SORCS3: variants seen among roughly 807,000 people sequenced by gnomAD.
SORCS3 encodes the protein sortilin related VPS10 domain containing receptor 3.
Under a neutral mutation model 146.3 loss-of-function variants are expected in SORCS3, and 57 were observed. The observed-to-expected ratio is 0.39, with a 90% CI of 0.31 to 0.49. The LOEUF (loss-of-function observed/expected upper bound fraction) is 0.49. Ranked by LOEUF, SORCS3 falls within the 20% of genes least tolerant of loss-of-function variation. The probability of loss-of-function intolerance (pLI) is 0.92; values close to 1 mark genes in which losing one functional copy is unlikely to be tolerated. For synonymous variants in SORCS3, 653 were observed against 618.5 expected (o/e 1.06, Z -0.83); for missense variants, 1,341 against 1,575.5 (o/e 0.85, Z 2.52).
intron 1 of SORCS3, among the ~76,000 whole-genome samples, chr10:104,716,730 G>C (rs543215507): frequency 6.6e-6 from 1 of 152,138 alleles, no homozygotes; most frequent in African/African-American, 2.4e-5. Context: ...GGTTGTCTGC[G>C]GAATGTTTTG....
intron 23 of SORCS3, among the ~76,000 whole-genome samples, chr10:105,253,967 T>C (rs1387017855): frequency 6.6e-6 from 1 of 152,140 alleles, no homozygotes; most frequent in Non-Finnish European, 1.5e-5. Flanking sequence ...TTTAGATAAA[T>C]AGGTAATTAC....
intron 7 of SORCS3, among the ~76,000 whole-genome samples, chr10:105,136,320 T>C (rs1224721704): frequency 6.6e-6 from 1 of 152,060 alleles, no homozygotes; most frequent in Non-Finnish European, 1.5e-5. Flanking sequence ...AAAAAGAGGG[T>C]TAGCTAATTT....
intron 8 of SORCS3, among the ~76,000 whole-genome samples, chr10:105,140,356 C>T (rs967811104): frequency 3.9e-5 from 6 of 152,108 alleles, no homozygotes; most frequent in Admixed American, 2.0e-4. Context: ...CTCTTTTATG[C>T]ATCCGTTCAA....
chr10:104,761,994 C>G (rs1218405731), intron 1 of SORCS3, among the ~76,000 whole-genome samples: 10 of 152,158 alleles, frequency 6.6e-5, no homozygotes, highest in African/African-American at 2.4e-4. Flanking sequence ...TTCTAAACTT[C>G]CGAAACCAAA....
rs1341336390 is a variant in SORCS3 at position 104,886,654 on chromosome 10, TG to T, written c.696-29176del. On this transcript the variant is annotated intron_variant, in intron 2 of 26. Transcript: ENST00000369701. Reference sequence around the variant, plus strand: ...TGTAGAATTAAAATATTTCTTTAGGTGGGAGCCCAAAACAGCAGCCATTGAT... The same window carrying T: ...TGTAGAATTAAAATATTTCTTTAGGTGGAGCCCAAAACAGCAGCCATTGAT... 2.6e-5 allele frequency among the ~76,000 whole-genome samples: 4 copies of T among 152,032 alleles called. No individual in the cohort carries two copies. The East Asian group carries it at 7.7e-4, about 29-fold the overall frequency.
chr10:105,139,386 C>G lies in SORCS3; in HGVS notation c.1213-11C>G. ...CTCATCTGATCTCTTTGTGTTTCCCCCACAATCTAGGTAACAACTAGTGGA... is the reference window on the plus strand; with the variant it reads ...CTCATCTGATCTCTTTGTGTTTCCCGCACAATCTAGGTAACAACTAGTGGA... On this transcript the variant is annotated splice_polypyrimidine_tract_variant and intron_variant, in intron 7 of 26. Coordinates refer to ENST00000369701, the MANE Select transcript of SORCS3 (RefSeq NM_014978.3). 1 of 1,608,218 alleles carries G rather than the reference C, an allele frequency of 6.2e-7. No individual in the cohort carries two copies. The highest frequency in any genetic ancestry group is 8.5e-7 in the Non-Finnish European group (1 of 1,174,752).
At position 105,100,411 on chromosome 10, in the gene SORCS3, T is replaced by C. The variant is rs555712625; in HGVS notation, c.1094-4986T>C. ...ATATTTCAAAGGAGAGGTTAGAAAA[T>C]AGAAGTTCAAGAATAAGAATTAATC... On this transcript the variant is annotated intron_variant, in intron 6 of 26. Coordinates refer to ENST00000369701, the MANE Select transcript of SORCS3 (RefSeq NM_014978.3). Among the ~76,000 whole-genome samples, 106 of 152,226 alleles carry C rather than the reference T, an allele frequency of 7.0e-4. 1 individual carries two copies. Among genetic ancestry groups the C allele is most frequent in the Non-Finnish European group, 1.3e-3 (89 of 68,040 alleles).
chr10:104,672,098 G>A lies in SORCS3; in HGVS notation c.627+30144G>A, dbSNP rs1407115123. On this transcript the variant is annotated intron_variant, in intron 1 of 26. Coordinates refer to ENST00000369701, the MANE Select transcript of SORCS3 (RefSeq NM_014978.3). ...GTAGAATTCACTGGTGAAACCATCA[G>A]GTCCAGGGTTTTTATTTTTTGGAAG... Among the ~76,000 whole-genome samples, 4 of 152,114 alleles carry A rather than the reference G, an allele frequency of 2.6e-5. No individual in the cohort carries two copies. The East Asian group carries it at 7.7e-4, about 29-fold the overall frequency.
At chr10:105,153,781 A>C (rs1361157320) in intron 9 of SORCS3, among the ~76,000 whole-genome samples, 1 of 151,838 alleles carries the variant, frequency 6.6e-6, no homozygotes, top group African/African-American at 2.4e-5. Flanking sequence ...GATAAAATGA[A>C]ACTTCGAGGC....
At chr10:105,225,003 C>T (rs1436225325) in intron 20 of SORCS3, among the ~76,000 whole-genome samples, 1 of 152,030 alleles carries the variant, frequency 6.6e-6, no homozygotes, top group Non-Finnish European at 1.5e-5. Flanking sequence ...GATATGTCTT[C>T]TGCAAATATT....
chr10:104,790,025 C>T (rs1589500010), intron 1 of SORCS3, among the ~76,000 whole-genome samples: 1 of 152,238 alleles, frequency 6.6e-6, no homozygotes, highest in East Asian at 1.9e-4. Context: ...CTAACCTATA[C>T]AGGGGTGTCT....
At chr10:105,242,460 TTATA>T (rs1276419907) in intron 20 of SORCS3, among the ~76,000 whole-genome samples, 1 of 81,992 alleles carries the variant, frequency 1.2e-5, no homozygotes, top group Non-Finnish European at 2.1e-5. Flanking sequence ...TTATATATAT[TTATA>T]TATTTATATA....
At chr10:105,247,520 C>A (rs1007846634) in intron 22 of SORCS3, among the ~76,000 whole-genome samples, 189 bp downstream of exon 22, 7 of 152,164 alleles carry the variant, frequency 4.6e-5, no homozygotes, top group Non-Finnish European at 4.4e-5. Context: ...GAGGCCAAGG[C>A]AGGCAGATCA....
At chr10:104,909,272 G>C (rs2018941325) in intron 2 of SORCS3, among the ~76,000 whole-genome samples, 2 of 152,144 alleles carry the variant, frequency 1.3e-5, no homozygotes, top group Admixed American at 6.5e-5. Flanking sequence ...ACCTGAGCTA[G>C]AGCTACTTTA....
intron 5 of SORCS3, among the ~76,000 whole-genome samples, chr10:105,047,760 C>T (rs2055383989): frequency 6.6e-6 from 1 of 151,990 alleles, no homozygotes; most frequent in East Asian, 1.9e-4. Flanking sequence ...TTGCTTAAGG[C>T]CGGCTTACAC....
chr10:104,682,432 C>A (rs556821487), intron 1 of SORCS3, among the ~76,000 whole-genome samples: 6 of 152,362 alleles, frequency 3.9e-5, no homozygotes, highest in Admixed American at 3.9e-4. Flanking sequence ...AATGATGTAA[C>A]TACCTTGTAA....
At chr10:104,906,636 A>G (rs1302425598) in intron 2 of SORCS3, among the ~76,000 whole-genome samples, 2 of 152,212 alleles carry the variant, frequency 1.3e-5, no homozygotes, top group Non-Finnish European at 2.9e-5. Flanking sequence ...GAGGCTCCAC[A>G]GACTGGATTT....
chr10:105,191,346 G>T (rs545311708), intron 14 of SORCS3, among the ~76,000 whole-genome samples: 2 of 152,228 alleles, frequency 1.3e-5, no homozygotes, highest in African/African-American at 4.8e-5. Flanking sequence ...GGACATAATA[G>T]AAAGGTAGTA....
At chr10:105,252,170 G>A (rs1423465650) in intron 22 of SORCS3, among the ~76,000 whole-genome samples, 3 of 152,144 alleles carry the variant, frequency 2.0e-5, no homozygotes, top group African/African-American at 7.2e-5. Flanking sequence ...CCAAGTTACA[G>A]TTACTGACTG....
Sources: gnomAD v4.1 joint callset for allele counts (sites outside exome capture counted in the v4.1 genomes callset) on GRCh38, gnomAD v4.1.1 for gene constraint, MANE v1.5 for transcripts, NCBI Gene and HGNC (gene_info 2026-07-23, HGNC 2026-07-21) for gene names.